FSTL4: variants seen among roughly 807,000 people sequenced by gnomAD.
The protein encoded by FSTL4 is follistatin-related protein 4.
In FSTL4, 28 loss-of-function variants were observed where a neutral mutation model predicts 78.2. That is an observed-to-expected ratio of 0.36 (90% confidence interval 0.27 to 0.49). The LOEUF (loss-of-function observed/expected upper bound fraction) is 0.49, where lower values mean the gene tolerates loss of function less well. FSTL4 is among the 20% of genes least tolerant of loss of function. The pLI is 0.98. For missense variants in FSTL4, 922 were observed against 1,084.9 expected, an observed-to-expected ratio of 0.85 and a Z score of 2.11; for synonymous variants, 422 against 440.5, an observed-to-expected ratio of 0.96 and a Z score of 0.53.
At chr5:133,437,245 A>T (rs1166710762) in intron 3 of FSTL4, among the ~76,000 whole-genome samples, 1 of 152,180 alleles carries the variant, frequency 6.6e-6, no homozygotes, top group Non-Finnish European at 1.5e-5. Context: ...GCCTTTGTCA[A>T]GTAGGCAGTT....
At chr5:133,818,967 G>GTATATATATATATATA in the FSTL4 span, among the ~76,000 whole-genome samples, 1 of 39,282 alleles carries the variant, frequency 2.5e-5, no homozygotes, top group Admixed American at 2.4e-4. Flanking sequence ...ACACACGTAC[G>GTATATATATATATATA]CATGCACACA....
intron 6 of FSTL4, among the ~76,000 whole-genome samples, chr5:133,276,589 T>G (rs1752889782): frequency 6.6e-6 from 1 of 152,176 alleles, no homozygotes; most frequent in Admixed American, 6.5e-5. Context: ...ATGGGTACCT[T>G]GGGGCCAAAG....
intron 3 of FSTL4, among the ~76,000 whole-genome samples, chr5:133,476,609 C>T (rs1338176365): frequency 6.6e-6 from 1 of 152,138 alleles, no homozygotes; most frequent in Admixed American, 6.5e-5. Flanking sequence ...CACTTACCTC[C>T]TTGGTAAACT....
the FSTL4 span, among the ~76,000 whole-genome samples, chr5:133,648,353 T>C: frequency 2.0e-5 from 3 of 152,236 alleles, no homozygotes; most frequent in African/African-American, 7.2e-5. Flanking sequence ...TTTGAATTGC[T>C]GCATGGTTTA....
At chr5:133,811,200 A>T in the FSTL4 span, among the ~76,000 whole-genome samples, 1 of 152,202 alleles carries the variant, frequency 6.6e-6, no homozygotes, top group African/African-American at 2.4e-5. Context: ...TCTGATATAG[A>T]CAATTAGCAA....
the FSTL4 span, among the ~76,000 whole-genome samples, chr5:133,665,676 T>A: frequency 6.6e-6 from 1 of 152,126 alleles, no homozygotes; most frequent in African/African-American, 2.4e-5. Context: ...AGGCTGCACA[T>A]CCCAGAAAGC....
chr5:133,575,000 C>T (rs2112951895), intron 2 of FSTL4: 1 of 152,070 alleles, frequency 6.6e-6, no homozygotes, highest in South Asian at 2.1e-4. Context: ...TAGATATGTT[C>T]ACTTACAAAA....
the FSTL4 span, among the ~76,000 whole-genome samples, chr5:133,678,391 T>A: frequency 6.6e-6 from 1 of 152,162 alleles, no homozygotes. Flanking sequence ...ATTCTGGAAT[T>A]ACTTTGATGG....
chr5:133,827,274 C>G, the FSTL4 span, among the ~76,000 whole-genome samples: 1 of 152,214 alleles, frequency 6.6e-6, no homozygotes, highest in Non-Finnish European at 1.5e-5. Context: ...AGCACAGACA[C>G]ACCTGGCTGC....
chr5:133,490,733 G>A (rs1758250765), intron 3 of FSTL4, among the ~76,000 whole-genome samples: 1 of 152,188 alleles, frequency 6.6e-6, no homozygotes. Flanking sequence ...ATTAGTTAAG[G>A]AATATGGCCT....
intron 4 of FSTL4, among the ~76,000 whole-genome samples, chr5:133,340,382 A>C (rs1444734067): frequency 6.6e-6 from 1 of 152,140 alleles, no homozygotes; most frequent in Admixed American, 6.5e-5. Flanking sequence ...GGAAACCTCC[A>C]GGGGTTTGAT....
At chr5:133,219,461 CT>C (rs1467370520) in intron 12 of FSTL4, among the ~76,000 whole-genome samples, 53 of 152,338 alleles carry the variant, frequency 3.5e-4, no homozygotes, top group Non-Finnish European at 5.7e-4. Flanking sequence ...CTACCTGACT[CT>C]GAAGGCTATG....
chr5:133,197,086 A>C lies in FSTL4; in HGVS notation c.*2009T>G, dbSNP rs58836625. ...TTTGGGTCAAACTGGTCTTTGACTT[A>C]GGAATCCTGCTGCCCAGAGGGGCTC... On this transcript the variant is annotated 3_prime_UTR_variant, in exon 16 of 16. Coordinates refer to ENST00000265342, the MANE Select transcript of FSTL4 (RefSeq NM_015082.2). 6.6e-6 allele frequency: 1 copy of C among 152,152 alleles called. No individual in the cohort carries two copies. The allele number at this position is 152,152 out of a possible 1,614,324, so 9.4% of individuals were successfully genotyped here.
intron 7 of FSTL4, 83 bp downstream of exon 7, chr5:133,249,327 C>T: frequency 9.3e-7 from 1 of 1,071,298 alleles, no homozygotes; most frequent in Non-Finnish European, 1.4e-6. Context: ...ACTCTCCCGT[C>T]CTGCCACTGT....
At chr5:133,499,646 A>G (rs985654665) in intron 3 of FSTL4, among the ~76,000 whole-genome samples, 31 of 152,076 alleles carry the variant, frequency 2.0e-4, no homozygotes, top group African/African-American at 7.5e-4. Flanking sequence ...ATGATTTTCA[A>G]TTCCTTCTGT....
chr5:133,815,485 G>A, the FSTL4 span, among the ~76,000 whole-genome samples: 6 of 152,136 alleles, frequency 3.9e-5, no homozygotes, highest in Non-Finnish European at 8.8e-5. Context: ...GTTTATGGGA[G>A]CAATGAAACA....
the FSTL4 span, among the ~76,000 whole-genome samples, chr5:133,797,350 CA>C: frequency 2.0e-5 from 3 of 152,158 alleles, no homozygotes; most frequent in Non-Finnish European, 4.4e-5. Flanking sequence ...TTGGAGTCAG[CA>C]GAAAGGAATG....
At chr5:133,603,786 G>C in intron 2 of FSTL4, 72 bp downstream of exon 2, 3 of 1,497,446 alleles carry the variant, frequency 2.0e-6, no homozygotes, top group Non-Finnish European at 2.8e-6. Flanking sequence ...TAAAGGTGGA[G>C]GGGAAATCAG....
intron 3 of FSTL4, among the ~76,000 whole-genome samples, chr5:133,493,767 G>C (rs1463274336): frequency 6.6e-6 from 1 of 152,102 alleles, no homozygotes; most frequent in African/African-American, 2.4e-5. Flanking sequence ...TAACCTTCAA[G>C]TCCAGTCATA....
Sources: allele counts gnomAD v4.1 joint callset (sites outside exome capture counted in the v4.1 genomes callset), GRCh38; gene constraint gnomAD v4.1.1; transcripts MANE v1.5; gene names NCBI Gene and HGNC (gene_info 2026-07-23, HGNC 2026-07-21).